The following RUFY1 variants were observed in gnomAD, a reference collection of about 807,000 sequenced individuals.
The protein encoded by RUFY1 is RUN and FYVE domain-containing protein 1.
RUFY1 carries 54 observed loss-of-function variants against 94.6 expected under a neutral mutation model. The observed-to-expected ratio is 0.57, with a 90% confidence interval of 0.46 to 0.72. RUFY1 has a LOEUF of 0.72. Among genes scored for constraint, RUFY1 ranks in the 30% least tolerant of loss-of-function variants. The pLI, the probability that RUFY1 is intolerant of heterozygous loss-of-function variation, is 0.00. For synonymous variants in RUFY1, 396 were observed against 347.3 expected (o/e 1.14, Z -1.56); for missense variants, 883 against 883.9 (o/e 1.00, Z 0.01).
intron 9 of RUFY1, among the ~76,000 whole-genome samples, chr5:179,591,245 C>T (rs1253802878): frequency 3.3e-5 from 5 of 151,922 alleles, no homozygotes; most frequent in African/African-American, 9.7e-5. Context: ...AGTGCAATGG[C>T]ACGATCTTGG....
intron 9 of RUFY1, among the ~76,000 whole-genome samples, chr5:179,591,262 G>A (rs1448965121): frequency 6.6e-6 from 1 of 151,802 alleles, no homozygotes; most frequent in Non-Finnish European, 1.5e-5. Flanking sequence ...TTGGCTCACT[G>A]CAAGCTCTGC....
intron 16 of RUFY1, 170 bp downstream of exon 16, chr5:179,606,094 G>T: frequency 1.7e-6 from 1 of 602,020 alleles, no homozygotes. Flanking sequence ...CTCGGCTGAG[G>T]GCGATGCTGA....
chr5:179,589,729 C>T (rs1341385024), intron 9 of RUFY1, 82 bp downstream of exon 9: 1 of 1,073,668 alleles, frequency 9.3e-7, no homozygotes, highest in South Asian at 1.3e-5. Flanking sequence ...GGCTTAACAA[C>T]AACCCAGTCT....
chr5:179,570,891 T>C (rs1444952499), intron 5 of RUFY1, among the ~76,000 whole-genome samples: 1 of 152,226 alleles, frequency 6.6e-6, no homozygotes, highest in African/African-American at 2.4e-5. Context: ...TCATTACTCT[T>C]AGACCGATAA....
intron 7 of RUFY1, among the ~76,000 whole-genome samples, chr5:179,582,714 G>A (rs1003055091): frequency 1.3e-5 from 2 of 151,916 alleles, no homozygotes; most frequent in Non-Finnish European, 2.9e-5. Flanking sequence ...GTGGTGGTGC[G>A]TGCCTGTAAT....
intron 1 of RUFY1, among the ~76,000 whole-genome samples, chr5:179,558,418 C>G (rs1254869075): frequency 6.6e-6 from 1 of 151,944 alleles, no homozygotes; most frequent in African/African-American, 2.4e-5. Flanking sequence ...ACTAAAAATA[C>G]AAAATTAGCC....
chr5:179,596,289 A>C, intron 12 of RUFY1: 1 of 513,794 alleles, frequency 1.9e-6, no homozygotes, highest in Non-Finnish European at 3.5e-6. Flanking sequence ...AAGGTTATAT[A>C]ATGTATAATT....
chr5:179,574,129 G>C (rs994710406), intron 5 of RUFY1, among the ~76,000 whole-genome samples: 3 of 151,986 alleles, frequency 2.0e-5, no homozygotes, highest in Non-Finnish European at 4.4e-5. Context: ...AAGGCCGGGC[G>C]TGGTGGCTCA....
rs1055909110 is a variant in RUFY1, at chr5:179,574,003, G to C, written c.829-3072G>C. 2.0e-5 allele frequency among the ~76,000 whole-genome samples: 3 copies of C among 152,162 alleles called. No homozygotes were observed. In the East Asian group the frequency reaches 5.8e-4, roughly 29 times the overall value. ...CCTGATCATTGTAAACCCTGGATTT[G>C]ATATGTTTACTGTTTGGAATTTTTG... On this transcript the variant is annotated intron_variant, in intron 5 of 17. Coordinates refer to ENST00000319449, the MANE Select transcript of RUFY1 (RefSeq NM_025158.5).
chr5:179,563,655 A>G (rs936799950), intron 3 of RUFY1, among the ~76,000 whole-genome samples: 5 of 152,056 alleles, frequency 3.3e-5, no homozygotes, highest in African/African-American at 1.2e-4. Flanking sequence ...GCACCTGCCA[A>G]GCTTTCAAAT....
At position 179,607,257 on chromosome 5, in the gene RUFY1, TCG is replaced by T. The variant is rs1263326862; in HGVS notation, c.1906-323_1906-322del. 41 of 364,202 alleles carry T rather than the reference TCG, an allele frequency of 1.1e-4. No individual in the cohort carries two copies. In the Middle Eastern group the frequency reaches 2.5e-3, roughly 22 times the overall value. 22.6% of individuals were successfully genotyped at this position (364,202 alleles called of 1,614,324 possible). Reference sequence around the variant, plus strand: ...GTCTAGGGTTGCAGGCACCAGAAGCTCGCTCTGCTTACTTCAGCCAAAGGGAA... The same window carrying T: ...GTCTAGGGTTGCAGGCACCAGAAGCTCTCTGCTTACTTCAGCCAAAGGGAA... On this transcript the variant is annotated intron_variant, in intron 16 of 17. Coordinates refer to ENST00000319449, the MANE Select transcript of RUFY1 (RefSeq NM_025158.5).
Position 179,591,605 on chromosome 5 carries a change from G to A in RUFY1, c.1129-20G>A, listed in dbSNP as rs1765110361. 7.0e-7 allele frequency: 1 copy of A among 1,437,322 alleles called. No individual in the cohort carries two copies. The highest frequency in any genetic ancestry group is 9.7e-7 in the Non-Finnish European group (1 of 1,028,520). The allele number at this position is 1,437,322 out of a possible 1,614,324, so 89.0% of individuals were successfully genotyped here. On this transcript the variant is annotated intron_variant, in intron 9 of 17. Transcript: ENST00000319449. ...TTTCCATAAGCAAACAATTCCTCTT[G>A]GTGTCCTTGTTTGATACAGATAACA...
At chr5:179,581,918 C>G (rs1764194207) in intron 7 of RUFY1, among the ~76,000 whole-genome samples, 1 of 152,000 alleles carries the variant, frequency 6.6e-6, no homozygotes, top group African/African-American at 2.4e-5. Flanking sequence ...CTCCTGGGCT[C>G]AAGCAATCCT....
intron 13 of RUFY1, 119 bp downstream of exon 13, chr5:179,596,800 G>T: frequency 1.0e-6 from 1 of 953,262 alleles, no homozygotes. Context: ...GGGGGCAGGT[G>T]GTATCCTGCT....
At chr5:179,559,102 A>ACG (rs200168383) in intron 1 of RUFY1, among the ~76,000 whole-genome samples, 2,362 of 152,170 alleles carry the variant, frequency 0.016, 161 homozygotes, top group Admixed American at 0.13. Context: ...GACAATGTAA[A>ACG]CGCGCGCGCG....
rs28491665 is a variant in RUFY1 at position 179,594,730 on chromosome 5, T to C, written c.1414-136T>C. ...GAGCCAAGATCACGCCACTGCACTCTAGCCTGGGTGACAGAGCAAGACTCT... is the reference window on the plus strand; with the variant it reads ...GAGCCAAGATCACGCCACTGCACTCCAGCCTGGGTGACAGAGCAAGACTCT... On this transcript the variant is annotated intron_variant, in intron 11 of 17. Coordinates refer to ENST00000319449, the MANE Select transcript of RUFY1 (RefSeq NM_025158.5). The C allele has an allele frequency of 1.3e-3, 646 of 511,026 alleles. 2 individuals are homozygous for C. The highest frequency in any genetic ancestry group is 2.6e-3 in the Admixed American group (68 of 26,368). The allele number at this position is 511,026 out of a possible 1,614,324, so 31.7% of individuals were successfully genotyped here.
intron 7 of RUFY1, among the ~76,000 whole-genome samples, chr5:179,583,502 C>T (rs537128722): frequency 5.4e-5 from 8 of 147,862 alleles, no homozygotes; most frequent in African/African-American, 1.7e-4. Flanking sequence ...CTGCAAGCTC[C>T]GCCTCCCAGG....
At chr5:179,584,027 C>T (rs1335416437) in intron 7 of RUFY1, among the ~76,000 whole-genome samples, 6 of 152,086 alleles carry the variant, frequency 3.9e-5, no homozygotes, top group Admixed American at 6.6e-5. Flanking sequence ...GGATTACAGG[C>T]GTGAGCCACC....
intron 2 of RUFY1, among the ~76,000 whole-genome samples, chr5:179,561,685 T>TC (rs908101567): frequency 2.6e-5 from 2 of 77,762 alleles, no homozygotes; most frequent in African/African-American, 4.7e-5. Flanking sequence ...TTTCTTTTTT[T>TC]TTTTTTTTTT....
Sources: gnomAD v4.1 joint callset for allele counts (sites outside exome capture counted in the v4.1 genomes callset) on GRCh38, gnomAD v4.1.1 for gene constraint, MANE v1.5 for transcripts, NCBI Gene and HGNC (gene_info 2026-07-23, HGNC 2026-07-21) for gene names.